RBMS1: variants seen among roughly 807,000 people sequenced by gnomAD.
RBMS1 encodes the protein RNA binding motif single stranded interacting protein 1.
A neutral mutation model predicts 62.3 loss-of-function variants in RBMS1; 17 were observed. The observed-to-expected ratio is 0.27, with a 90% CI of 0.19 to 0.41. RBMS1 has a LOEUF of 0.41. Ranked by LOEUF, RBMS1 falls within the 10% of genes least tolerant of loss-of-function variation. The pLI, the probability that RBMS1 is intolerant of heterozygous loss-of-function variation, is 1.00. For missense variants in RBMS1, 334 were observed against 504.5 expected (o/e 0.66, Z 3.24); for synonymous variants, 172 against 170.0 (o/e 1.01, Z -0.09).
At chr2:160,410,221 C>CAAAAAAAAAAA (rs575199475) in intron 1 of RBMS1, among the ~76,000 whole-genome samples, 1 of 68,022 alleles carries the variant, frequency 1.5e-5, no homozygotes, top group Non-Finnish European at 2.6e-5. Flanking sequence ...GACCCCGTCT[C>CAAAAAAAAAAA]AAAAAAAAAA....
rs549499674 is a variant in RBMS1 at position 160,281,358 on chromosome 2, T to C, written c.907A>G (p.Ser303Gly). 1.2e-6 allele frequency: 2 copies of C among 1,608,662 alleles called. No individual in the cohort carries two copies. The highest frequency in any genetic ancestry group is 1.7e-5 in the Admixed American group (1 of 59,702). Residue 303 changes from serine to glycine, a missense_variant, in exon 10 of 14, where the codon AGT becomes GGT. Around this residue, in one of 3 missense-constraint regions of RBMS1, gnomAD observed 182 missense variants for 257.7 expected, o/e 0.71. Transcript: ENST00000348849. ...GGTTGAGGTTGCATCCACGAAGGAC[T>C]TTGCACCTAGAAAAGGGAGGATTTT... ...ASPVSAYQVQ[S>G]PSWMQPQPYI...
intron 11 of RBMS1, 121 bp from the exon 12 acceptor site, chr2:160,277,504 C>T: frequency 7.2e-6 from 5 of 695,210 alleles, no homozygotes; most frequent in African/African-American, 1.7e-5. Context: ...TTTAAATGGG[C>T]TACACCTCAA....
intron 1 of RBMS1, among the ~76,000 whole-genome samples, chr2:160,378,537 GGGAGGTCAA>G (rs1298150199): frequency 6.6e-6 from 1 of 151,806 alleles, no homozygotes; most frequent in Non-Finnish European, 1.5e-5. Context: ...CACTTGAGCC[GGGAGGTCAA>G]GGCTGCACTG....
chr2:160,346,224 AT>A (rs1395271436), intron 2 of RBMS1, among the ~76,000 whole-genome samples: 4 of 152,106 alleles, frequency 2.6e-5, no homozygotes, highest in Non-Finnish European at 5.9e-5. Flanking sequence ...GACCGTAGGA[AT>A]GTACTCTTTA....
intron 1 of RBMS1, among the ~76,000 whole-genome samples, chr2:160,450,563 T>TTAAA: frequency 8.2e-6 from 1 of 122,390 alleles, no homozygotes; most frequent in South Asian, 2.6e-4. Context: ...AAATAAAAAA[T>TTAAA]GAAAAAAAAA....
chr2:160,317,026 A>T (rs1024392159), intron 3 of RBMS1, among the ~76,000 whole-genome samples: 1 of 152,202 alleles, frequency 6.6e-6, no homozygotes, highest in African/African-American at 2.4e-5. Context: ...ATTCATTTAA[A>T]ATATTTATTG....
At chr2:160,288,608 G>A (rs531375732) in intron 6 of RBMS1, among the ~76,000 whole-genome samples, 4 of 152,272 alleles carry the variant, frequency 2.6e-5, no homozygotes, top group South Asian at 2.1e-4. Context: ...GAACAAAAAT[G>A]TTAGGTGTCT....
intron 10 of RBMS1, chr2:160,278,962 A>C (rs538128563): frequency 2.7e-5 from 6 of 219,924 alleles, no homozygotes; most frequent in Non-Finnish European, 5.4e-5. Flanking sequence ...ACTGGAAGCA[A>C]GCTAGTCCAG....
chr2:160,360,825 C>T lies in RBMS1; in HGVS notation c.251+6391G>A, dbSNP rs1366320674. 2.0e-5 allele frequency among the ~76,000 whole-genome samples: 3 copies of T among 152,280 alleles called. No homozygotes were observed. The East Asian group carries it at 5.8e-4, about 29-fold the overall frequency. On this transcript the variant is annotated intron_variant, in intron 2 of 13. Coordinates refer to ENST00000348849, the MANE Select transcript of RBMS1 (RefSeq NM_016836.4). ...TACACCACATTGATGATAATACTAT[C>T]CTGTCTCTCTGCTGACCTGTCTTGC...
chr2:160,348,313 A>T (rs1160376057), intron 2 of RBMS1, among the ~76,000 whole-genome samples: 5 of 151,950 alleles, frequency 3.3e-5, no homozygotes, highest in Non-Finnish European at 7.4e-5. Context: ...TTTACTTACA[A>T]GAATAAAAAT....
chr2:160,386,950 A>T (rs1694612227), intron 1 of RBMS1, among the ~76,000 whole-genome samples: 1 of 152,208 alleles, frequency 6.6e-6, no homozygotes, highest in South Asian at 2.1e-4. Context: ...CTTACCTTCC[A>T]GTGTGCCGCT....
At chr2:160,487,304 G>C (rs1685637142) in intron 1 of RBMS1, among the ~76,000 whole-genome samples, 1 of 152,124 alleles carries the variant, frequency 6.6e-6, no homozygotes. Context: ...ATATCTTAGT[G>C]CCTTCTCAGT....
chr2:160,369,226 C>A (rs1693592086), intron 1 of RBMS1, among the ~76,000 whole-genome samples: 1 of 152,188 alleles, frequency 6.6e-6, no homozygotes, highest in South Asian at 2.1e-4. Context: ...CCTTAATGAG[C>A]AGCTGAACTC....
chr2:160,344,068 G>A (rs962195797), intron 2 of RBMS1, among the ~76,000 whole-genome samples: 10 of 152,088 alleles, frequency 6.6e-5, no homozygotes, highest in African/African-American at 2.4e-4. Context: ...TTAGGAATCT[G>A]AACAACTTGT....
chr2:160,352,421 C>T (rs1429352047), intron 2 of RBMS1, among the ~76,000 whole-genome samples: 1 of 152,046 alleles, frequency 6.6e-6, no homozygotes, highest in Non-Finnish European at 1.5e-5. Flanking sequence ...TTTAGGGGTT[C>T]CATCAATTTT....
intron 2 of RBMS1, among the ~76,000 whole-genome samples, chr2:160,320,161 A>G (rs1008806002): frequency 1.3e-5 from 2 of 152,186 alleles, no homozygotes; most frequent in African/African-American, 4.8e-5. Context: ...CACCCATCCA[A>G]ATCTCATGTT....
intron 2 of RBMS1, among the ~76,000 whole-genome samples, chr2:160,328,234 T>C (rs1389553205): frequency 6.6e-6 from 1 of 152,196 alleles, no homozygotes; most frequent in Non-Finnish European, 1.5e-5. Context: ...GAATATTCAA[T>C]GACTAATAAG....
intron 2 of RBMS1, among the ~76,000 whole-genome samples, chr2:160,321,759 T>C (rs1302905640): frequency 6.6e-6 from 1 of 152,188 alleles, no homozygotes; most frequent in East Asian, 1.9e-4. Context: ...CAGTAATTCC[T>C]GAACCCAGGT....
At chr2:160,461,272 AGG>A (rs369259956) in intron 1 of RBMS1, among the ~76,000 whole-genome samples, 1 of 152,064 alleles carries the variant, frequency 6.6e-6, no homozygotes, top group Non-Finnish European at 1.5e-5. Flanking sequence ...AGAGAGAGAG[AGG>A]GAGAGAAAGA....
Sources: gnomAD v4.1 joint callset for allele counts (sites outside exome capture counted in the v4.1 genomes callset) on GRCh38, gnomAD v4.1.1 for gene constraint, gnomAD v4.1.1 regional missense constraint, MANE v1.5 for transcripts, NCBI Gene and HGNC (gene_info 2026-07-23, HGNC 2026-07-21) for gene names.